Variants in SNX9 observed in about 807,000 individuals in gnomAD.
The protein encoded by SNX9 is sorting nexin 9.
SNX9 carries 44 observed loss-of-function variants against 89.4 expected under a neutral mutation model. That is an observed-to-expected ratio of 0.49 (90% CI 0.39 to 0.63). SNX9 has a LOEUF of 0.63. Ranked by LOEUF, SNX9 falls within the 30% of genes least tolerant of loss-of-function variation. The probability of loss-of-function intolerance (pLI) is 0.00; values close to 1 mark genes in which losing one functional copy is unlikely to be tolerated. For missense variants in SNX9, 578 were observed against 736.1 expected, an observed-to-expected ratio of 0.79 and a Z score of 2.49; for synonymous variants, 236 against 247.8, an observed-to-expected ratio of 0.95 and a Z score of 0.45.
At chr6:157,839,390 C>G (rs1781649132) in intron 1 of SNX9, among the ~76,000 whole-genome samples, 1 of 151,976 alleles carries the variant, frequency 6.6e-6, no homozygotes, top group South Asian at 2.1e-4. Flanking sequence ...TTAGTTCTAC[C>G]TGATTATGAA....
intron 4 of SNX9, among the ~76,000 whole-genome samples, chr6:157,877,344 C>T (rs926250597): frequency 6.6e-6 from 1 of 151,906 alleles, no homozygotes; most frequent in Non-Finnish European, 1.5e-5. Flanking sequence ...GAAAAATGAA[C>T]TGAAACTAGA....
intron 4 of SNX9, among the ~76,000 whole-genome samples, chr6:157,894,605 A>G (rs1043414986): frequency 6.6e-6 from 1 of 152,136 alleles, no homozygotes; most frequent in Non-Finnish European, 1.5e-5. Context: ...TTCCCATTCC[A>G]AAAGTTTATT....
Position 157,886,684 on chromosome 6 carries a change from G to A in SNX9, c.301-10143G>A, listed in dbSNP as rs547642066. On this transcript the variant is annotated intron_variant, in intron 4 of 17. Transcript: ENST00000392185. ...TCAGCTGGAGCTAGTTAATTATGTCGAATTCCAATTTGGAATTCAGGATAG... is the reference window on the plus strand; with the variant it reads ...TCAGCTGGAGCTAGTTAATTATGTCAAATTCCAATTTGGAATTCAGGATAG... Among the ~76,000 whole-genome samples the A allele has an allele frequency of 3.3e-5, 5 of 152,194 alleles. 1 individual carries two copies. The East Asian group carries it at 5.8e-4, about 18-fold the overall frequency.
chr6:157,905,262 T>G (rs1164589006), intron 6 of SNX9, among the ~76,000 whole-genome samples: 8 of 152,230 alleles, frequency 5.3e-5, no homozygotes, highest in Non-Finnish European at 2.9e-5. Flanking sequence ...AGCATCACAC[T>G]GGCCTTTGGC....
intron 4 of SNX9, among the ~76,000 whole-genome samples, chr6:157,883,402 G>A (rs375064001): frequency 3.9e-5 from 6 of 152,130 alleles, no homozygotes; most frequent in African/African-American, 1.4e-4. Flanking sequence ...AAACTTCAGA[G>A]TCTCCTCTAT....
intron 4 of SNX9, among the ~76,000 whole-genome samples, chr6:157,883,796 C>T (rs1050251624): frequency 2.0e-5 from 3 of 152,100 alleles, no homozygotes; most frequent in African/African-American, 7.2e-5. Context: ...TCTATAAAAC[C>T]TTTTGTTTTC....
At chr6:157,920,018 T>C (rs75511370) in intron 9 of SNX9, among the ~76,000 whole-genome samples, 2,267 of 152,286 alleles carry the variant, frequency 0.015, 62 homozygotes, top group African/African-American at 0.051. Context: ...CCTGTGTCTG[T>C]GGATTGGTAG....
At chr6:157,861,740 A>G (rs879538601) in intron 1 of SNX9, among the ~76,000 whole-genome samples, 9 of 152,168 alleles carry the variant, frequency 5.9e-5, no homozygotes, top group Admixed American at 1.3e-4. Flanking sequence ...TGTGTGTACT[A>G]TGTTTTTTCT....
intron 1 of SNX9, among the ~76,000 whole-genome samples, chr6:157,855,732 TTTG>T (rs1280545575): frequency 2.6e-5 from 4 of 152,154 alleles, no homozygotes; most frequent in Admixed American, 6.5e-5. Flanking sequence ...GTCATTGATT[TTTG>T]TTGTTGTTGT....
intron 1 of SNX9, among the ~76,000 whole-genome samples, chr6:157,858,339 C>T (rs746545025): frequency 2.0e-5 from 3 of 151,688 alleles, no homozygotes; most frequent in African/African-American, 4.9e-5. Flanking sequence ...CTCCACCACC[C>T]GGGTTCAAGT....
chr6:157,944,864 A>C lies in SNX9; in HGVS notation c.*2026A>C, dbSNP rs1784109759. On this transcript the variant is annotated 3_prime_UTR_variant, in exon 18 of 18. Transcript: ENST00000392185. ...CCGACTGTGAGGAAAAGCAGAGGGA[A>C]TGTGAAAGAAAATAAGAGAATCCAC... 1 of 152,222 alleles carries C rather than the reference A, an allele frequency of 6.6e-6. No individual in the cohort carries two copies. Among genetic ancestry groups the C allele is most frequent in the Non-Finnish European group, 1.5e-5 (1 of 68,030 alleles). 9.4% of individuals were successfully genotyped at this position (152,222 alleles called of 1,614,324 possible).
chr6:157,856,054 T>G (rs1782005695), intron 1 of SNX9, among the ~76,000 whole-genome samples: 1 of 152,224 alleles, frequency 6.6e-6, no homozygotes, highest in African/African-American at 2.4e-5. Context: ...CGGCCTGTCA[T>G]TGATTTTTAT....
intron 4 of SNX9, among the ~76,000 whole-genome samples, chr6:157,887,676 T>C (rs1011152084): frequency 8.5e-5 from 13 of 152,246 alleles, no homozygotes; most frequent in Admixed American, 3.9e-4. Flanking sequence ...TTTCATCATA[T>C]TTTTTGTTTT....
rs1280808302 is a variant in SNX9 at position 157,823,277 on chromosome 6, G to A, written c.-158G>A. The A allele has an allele frequency of 6.6e-6, 3 of 452,116 alleles. No individual in the cohort carries two copies. Among genetic ancestry groups the A allele is most frequent in the African/African-American group, 6.3e-5 (3 of 47,256 alleles). The allele number at this position is 452,116 out of a possible 1,614,324, so 28.0% of individuals were successfully genotyped here. A position where few individuals can be genotyped will look rare whatever the true frequency, so the allele number is the denominator to read the frequency against. On this transcript the variant is annotated 5_prime_UTR_variant, in exon 1 of 18. Transcript: ENST00000392185. This position sits in a 1 kb window ranked among gnomAD's most constrained non-coding sequence, Gnocchi z 4.6. Reference sequence around the variant, plus strand: ...AGCCGAGCGCCCAGCGGCTGGGCCTGAGCGTCGAGACTCGGGGCCGAGGCG... The same window carrying A: ...AGCCGAGCGCCCAGCGGCTGGGCCTAAGCGTCGAGACTCGGGGCCGAGGCG...
chr6:157,927,718 C>CTTTTTT (rs761592456), intron 11 of SNX9, among the ~76,000 whole-genome samples: 9 of 98,762 alleles, frequency 9.1e-5, no homozygotes, highest in African/African-American at 2.6e-4. Context: ...TAATTTTAAG[C>CTTTTTT]TTTTTTTTTT....
At chr6:157,935,768 C>T (rs922834525) in intron 13 of SNX9, among the ~76,000 whole-genome samples, 196 bp from the exon 14 acceptor site, 5 of 152,054 alleles carry the variant, frequency 3.3e-5, no homozygotes, top group Non-Finnish European at 2.9e-5. Flanking sequence ...GGGGTGTAGA[C>T]GAACACAGGC....
chr6:157,839,998 A>G (rs71563725), intron 1 of SNX9, among the ~76,000 whole-genome samples: 4,388 of 152,108 alleles, frequency 0.029, 89 homozygotes, highest in Non-Finnish European at 0.042. Flanking sequence ...AAAGCAGGTG[A>G]AAAAAAACAA....
chr6:157,890,791 A>C (rs932061885), intron 4 of SNX9, among the ~76,000 whole-genome samples: 1 of 152,136 alleles, frequency 6.6e-6, no homozygotes, highest in African/African-American at 2.4e-5. Flanking sequence ...TGTTTGTTGC[A>C]TTTTCCAATG....
intron 10 of SNX9, among the ~76,000 whole-genome samples, chr6:157,926,629 A>G (rs1783696726): frequency 6.6e-6 from 1 of 151,930 alleles, no homozygotes; most frequent in Admixed American, 6.6e-5. Flanking sequence ...AAAAAATACA[A>G]AAATTAGCCA....
Sources: gnomAD v4.1 joint callset for allele counts (sites outside exome capture counted in the v4.1 genomes callset) on GRCh38, gnomAD v4.1.1 for gene constraint, Gnocchi (gnomAD v3.1) non-coding constraint, MANE v1.5 for transcripts, NCBI Gene and HGNC (gene_info 2026-07-23, HGNC 2026-07-21) for gene names.